The following OSBPL9 variants were observed in gnomAD, a reference collection of about 807,000 sequenced individuals.
The protein encoded by OSBPL9 is oxysterol-binding protein-related protein 9.
OSBPL9 carries 40 observed loss-of-function variants against 106.6 expected under a neutral mutation model. The observed-to-expected ratio is 0.38, with a 90% CI of 0.29 to 0.49. The LOEUF is 0.49. Among genes scored for constraint, OSBPL9 ranks in the 20% least tolerant of loss-of-function variants. OSBPL9 has a pLI of 0.97. For missense variants in OSBPL9, 609 were observed against 887.2 expected, an observed-to-expected ratio of 0.69 and a Z score of 3.98; for synonymous variants, 269 against 295.4, an observed-to-expected ratio of 0.91 and a Z score of 0.92.
chr1:51,580,323 TAAAG>T (rs1206089959), intron 1 of OSBPL9, among the ~76,000 whole-genome samples: 3 of 152,362 alleles, frequency 2.0e-5, no homozygotes, highest in East Asian at 3.9e-4. Context: ...TTAAACTCTT[TAAAG>T]AAAGGAATTC....
chr1:51,646,109 A>G (rs894345593), intron 1 of OSBPL9, among the ~76,000 whole-genome samples: 1 of 152,112 alleles, frequency 6.6e-6, no homozygotes, highest in African/African-American at 2.4e-5. Context: ...TCCCTTGCAA[A>G]ACCACTGAAT....
upstream of OSBPL9, among the ~76,000 whole-genome samples, chr1:51,612,872 A>C (rs1643997878): frequency 6.6e-6 from 1 of 152,262 alleles, no homozygotes; most frequent in Admixed American, 6.5e-5. Flanking sequence ...TGGATCTGGC[A>C]TGCAAAGACC....
chr1:51,610,323 G>A (rs771027680), intron 2 of OSBPL9, among the ~76,000 whole-genome samples: 42 of 151,904 alleles, frequency 2.8e-4, no homozygotes, highest in Admixed American at 1.6e-3. Context: ...CTGCGGTGGC[G>A]CAATCTCTGC....
intron 1 of OSBPL9, among the ~76,000 whole-genome samples, chr1:51,636,799 T>C (rs1205565955): frequency 6.6e-6 from 1 of 151,846 alleles, no homozygotes. Flanking sequence ...TAAAAATAAA[T>C]AAATAAATAA....
the OSBPL9 span, among the ~76,000 whole-genome samples, chr1:51,530,199 A>C: frequency 5.6e-5 from 8 of 143,586 alleles, no homozygotes; most frequent in Admixed American, 1.4e-4. Context: ...AAAACAAAAA[A>C]AAAAAACCTC....
the OSBPL9 span, among the ~76,000 whole-genome samples, chr1:51,528,183 G>T: frequency 6.6e-6 from 1 of 151,326 alleles, no homozygotes; most frequent in South Asian, 2.1e-4. Flanking sequence ...CCAGCCAGAG[G>T]AATTAGGCAA....
rs143857382 is a variant in OSBPL9, at chr1:51,657,702, T to C, written c.162+5661T>C. Among the ~76,000 whole-genome samples, 359 of 152,308 alleles carry C rather than the reference T, an allele frequency of 2.4e-3. 1 individual carries two copies. Among genetic ancestry groups the C allele is most frequent in the African/African-American group, 8.3e-3 (344 of 41,562 alleles). On this transcript the variant is annotated intron_variant, in intron 2 of 23. Transcript: ENST00000428468. ...CCCTTTCCTTGATGAAGAAATAAAA[T>C]GTTGCTTGAGTCCTGTGGTCTGATC...
At chr1:51,617,016 G>GT, upstream of OSBPL9, 5 of 1,503,186 alleles carry the variant, frequency 3.3e-6, no homozygotes, top group Admixed American at 2.0e-5. Flanking sequence ...ACCCGCCCAG[G>GT]ACCCGCCCCG....
the OSBPL9 span, among the ~76,000 whole-genome samples, chr1:51,571,837 C>T: frequency 2.0e-5 from 3 of 152,192 alleles, no homozygotes; most frequent in East Asian, 1.9e-4. Flanking sequence ...AACCCTACTT[C>T]GTAGCTCAAT....
intron 10 of OSBPL9, 37 bp downstream of exon 10, chr1:51,760,817 G>C: frequency 6.2e-7 from 1 of 1,600,784 alleles, no homozygotes; most frequent in Non-Finnish European, 8.5e-7. Context: ...TCATTGATGA[G>C]AAAAAAATAA....
intron 3 of OSBPL9, among the ~76,000 whole-genome samples, chr1:51,674,222 C>CA (rs1650632026): frequency 6.6e-6 from 1 of 151,932 alleles, no homozygotes; most frequent in African/African-American, 2.4e-5. Context: ...CCTGCACCAC[C>CA]ATGGCTGACT....
chr1:51,772,302 C>CG, intron 13 of OSBPL9, 120 bp downstream of exon 13: 1 of 792,562 alleles, frequency 1.3e-6, no homozygotes, highest in South Asian at 1.8e-5. Context: ...ACTTGAGGTC[C>CG]GGAGTTCAAG....
chr1:51,558,014 A>G, the OSBPL9 span, among the ~76,000 whole-genome samples: 2 of 152,166 alleles, frequency 1.3e-5, no homozygotes, highest in Non-Finnish European at 2.9e-5. Context: ...TTAAAAAAAA[A>G]TCATGCCTGT....
At chr1:51,638,336 T>C (rs1645580089) in intron 1 of OSBPL9, among the ~76,000 whole-genome samples, 1 of 152,158 alleles carries the variant, frequency 6.6e-6, no homozygotes, top group South Asian at 2.1e-4. Context: ...TGTAGCTTTC[T>C]GGAAGCATAA....
intron 1 of OSBPL9, among the ~76,000 whole-genome samples, chr1:51,643,463 C>T (rs920004543): frequency 6.6e-6 from 1 of 152,038 alleles, no homozygotes; most frequent in African/African-American, 2.4e-5. Context: ...GCAATGAGAA[C>T]AATCCATGTA....
At chr1:51,584,235 T>C (rs1377175012) in intron 1 of OSBPL9, among the ~76,000 whole-genome samples, 1 of 152,160 alleles carries the variant, frequency 6.6e-6, no homozygotes, top group Non-Finnish European at 1.5e-5. Context: ...CCGCTGATAT[T>C]ATCATCTGCT....
intron 1 of OSBPL9, among the ~76,000 whole-genome samples, chr1:51,585,778 A>AAAAT (rs953079094): frequency 2.6e-5 from 4 of 151,858 alleles, no homozygotes; most frequent in Non-Finnish European, 4.4e-5. Flanking sequence ...TCCATCTCAA[A>AAAAT]AAATAAATAA....
chr1:51,544,878 C>T, the OSBPL9 span, among the ~76,000 whole-genome samples: 3 of 113,924 alleles, frequency 2.6e-5, no homozygotes, highest in South Asian at 8.9e-4. Context: ...GAGTTTCACT[C>T]TGTCACCCAG....
At position 51,786,804 on chromosome 1, in the gene OSBPL9, ACTTCT is replaced by A. The variant is rs200073958; in HGVS notation, c.2000+191_2000+195del. Among the ~76,000 whole-genome samples the A allele has an allele frequency of 7.4e-3, 1,121 of 152,286 alleles. 10 individuals carry two copies. The highest frequency in any genetic ancestry group is 0.018 in the South Asian group (87 of 4,822). On this transcript the variant is annotated intron_variant, in intron 22 of 23. Coordinates refer to ENST00000428468, the MANE Select transcript of OSBPL9 (RefSeq NM_024586.6). ...TGACCATGGATGGCTCAGTCAGCTA[ACTTCT>A]CTTTACCTTCTTTCCTGAAATGAGA...
Sources: gnomAD v4.1 joint callset for allele counts (sites outside exome capture counted in the v4.1 genomes callset) on GRCh38, gnomAD v4.1.1 for gene constraint, MANE v1.5 for transcripts, NCBI Gene and HGNC (gene_info 2026-07-23, HGNC 2026-07-21) for gene names.